The following PRUNE2 variants were observed in gnomAD, a reference collection of about 807,000 sequenced individuals.
PRUNE2 encodes the protein protein prune homolog 2.
Under a neutral mutation model 252.0 loss-of-function variants are expected in PRUNE2, and 164 were observed. That is an observed-to-expected ratio of 0.65 (90% CI 0.57 to 0.74). The LOEUF is 0.74. Among genes scored for constraint, PRUNE2 ranks in the 30% least tolerant of loss-of-function variants. The pLI is 0.00. For synonymous variants in PRUNE2, 1,292 were observed against 1,350.2 expected (o/e 0.96, Z 0.94); for missense variants, 3,495 against 3,711.0 (o/e 0.94, Z 1.51).
rs559769822 is a variant in PRUNE2, at chr9:76,615,903, G to A, written c.9237-1303C>T. Among the ~76,000 whole-genome samples, 22 of 151,770 alleles carry A rather than the reference G, an allele frequency of 1.4e-4. No individual in the cohort carries two copies. The East Asian group carries it at 4.1e-3, about 28-fold the overall frequency. On this transcript the variant is annotated intron_variant, in intron 18 of 18. Transcript: ENST00000376718. ...TCCTGCCTCAGCCTCCCGAGTAGCT[G>A]GGATTACAGGCAGACGCCACCATGC...
At chr9:76,732,328 A>T (rs961418911) in intron 6 of PRUNE2, among the ~76,000 whole-genome samples, 13 of 152,212 alleles carry the variant, frequency 8.5e-5, no homozygotes, top group Non-Finnish European at 1.9e-4. Context: ...AATAAAAATA[A>T]AAGAAGAAAA....
chr9:76,729,117 T>C (rs112278363), intron 6 of PRUNE2, among the ~76,000 whole-genome samples: 2,901 of 152,274 alleles, frequency 0.019, 80 homozygotes, highest in African/African-American at 0.065. Context: ...GAATTTCTGA[T>C]TAAAAGAACT....
At chr9:76,732,679 T>C (rs1391513976) in intron 6 of PRUNE2, among the ~76,000 whole-genome samples, 1 of 152,200 alleles carries the variant, frequency 6.6e-6, no homozygotes, top group African/African-American at 2.4e-5. Context: ...ATCACATTAG[T>C]AAGACTCAAA....
chr9:76,877,414 AC>A (rs1264138597), intron 1 of PRUNE2, among the ~76,000 whole-genome samples: 1 of 151,824 alleles, frequency 6.6e-6, no homozygotes, highest in Non-Finnish European at 1.5e-5. Flanking sequence ...GCTTGCTTGA[AC>A]CCAGGAGGCG....
chr9:76,832,750 T>C (rs930560220), intron 4 of PRUNE2, among the ~76,000 whole-genome samples: 2 of 151,936 alleles, frequency 1.3e-5, no homozygotes, highest in Non-Finnish European at 2.9e-5. Context: ...AAACAAAACT[T>C]GGATTTCTGG....
intron 11 of PRUNE2, among the ~76,000 whole-genome samples, chr9:76,646,474 G>A (rs1844896814): frequency 6.6e-6 from 1 of 152,172 alleles, no homozygotes; most frequent in Non-Finnish European, 1.5e-5. Flanking sequence ...GGCTCACTCT[G>A]GCTTCCACTG....
In PRUNE2 at chr9:76,655,476, T is replaced by C. The variant is rs770846325; in HGVS notation, c.8303A>G (p.Asp2768Gly). The C allele has an allele frequency of 6.2e-7, 1 of 1,612,910 alleles. No homozygotes were observed. ...CAGCACGCCCTCTTCAAAGGGGATG[T>C]CCATTCCTACATCCTCTGACAGTAG... The part of the protein sequence containing the change: ...NGLLSEDVGM[D>G]IPFEEGVLSP... The change falls in exon 10 of 19, where the codon GAC becomes GGC. Residue 2768 changes from aspartate (D) to glycine (G), a missense_variant. Transcript: ENST00000376718.
At position 76,706,053 on chromosome 9, in the gene PRUNE2, G is replaced by GC. The variant is rs2046290621; in HGVS notation, c.6220dup (p.Ala2074GlyfsTer2). ...TGCTTTCAAACTGAAGGGCTTCTTA[G>GC]CATCTATCCACAAGTCAGGCGCGGC... On this transcript the variant is annotated frameshift_variant, in exon 8 of 19. Transcript: ENST00000376718. LOFTEE classifies it high-confidence loss of function. 1 of 1,613,900 alleles carries GC rather than the reference G, an allele frequency of 6.2e-7. No individual in the cohort carries two copies. The highest frequency in any genetic ancestry group is 1.3e-5 in the African/African-American group (1 of 74,932).
chr9:76,800,809 G>A (rs970628708), intron 6 of PRUNE2, among the ~76,000 whole-genome samples: 3 of 152,084 alleles, frequency 2.0e-5, no homozygotes, highest in African/African-American at 7.2e-5. Flanking sequence ...GTGTGCATAC[G>A]CTGTCATAGA....
At chr9:76,615,359 G>T in intron 18 of PRUNE2, 2 of 386,758 alleles carry the variant, frequency 5.2e-6, no homozygotes, top group Non-Finnish European at 7.1e-6. Flanking sequence ...TGTGGATTTT[G>T]CTTATCTCTG....
rs564015086 is a variant in PRUNE2, at chr9:76,670,391, G to A, written c.8277-14889C>T. ...CGAGATTATATCCCGCACCTGGCTC[G>A]GAGGGTCCTACACCCACGGAGTCTC... On this transcript the variant is annotated intron_variant, in intron 9 of 18. Transcript: ENST00000376718. 7.8e-4 allele frequency among the ~76,000 whole-genome samples: 119 copies of A among 152,028 alleles called. 2 individuals carry two copies. The South Asian group carries it at 0.023, about 29-fold the overall frequency.
intron 9 of PRUNE2, among the ~76,000 whole-genome samples, chr9:76,678,053 T>C (rs1280289238): frequency 1.3e-5 from 2 of 151,814 alleles, no homozygotes; most frequent in Non-Finnish European, 2.9e-5. Flanking sequence ...CCAATTAAGT[T>C]TGTGAAGCAT....
chr9:76,630,555 C>T (rs943744348), intron 15 of PRUNE2, among the ~76,000 whole-genome samples: 5 of 152,290 alleles, frequency 3.3e-5, no homozygotes, highest in Middle Eastern at 3.4e-3. Flanking sequence ...GACAGAGTCT[C>T]GCTCTGTCGC....
intron 11 of PRUNE2, among the ~76,000 whole-genome samples, chr9:76,645,778 C>G (rs941795544): frequency 5.3e-5 from 8 of 152,152 alleles, no homozygotes; most frequent in African/African-American, 1.9e-4. Flanking sequence ...TTATTTATAA[C>G]CTTCACAATA....
At chr9:76,672,740 T>G (rs1420930606) in intron 9 of PRUNE2, among the ~76,000 whole-genome samples, 1 of 141,184 alleles carries the variant, frequency 7.1e-6, no homozygotes, top group African/African-American at 2.7e-5. Flanking sequence ...GAACTCAGGA[T>G]TAAGAATCTC....
intron 9 of PRUNE2, among the ~76,000 whole-genome samples, chr9:76,677,940 A>G (rs576144012): frequency 2.0e-5 from 3 of 152,336 alleles, no homozygotes; most frequent in African/African-American, 7.2e-5. Context: ...CCTGGGGCGA[A>G]CGGGACACAG....
intron 14 of PRUNE2, among the ~76,000 whole-genome samples, chr9:76,636,973 A>ATGTGTG (rs71354667): frequency 1.2e-3 from 178 of 145,496 alleles, no homozygotes; most frequent in African/African-American, 3.7e-3. Context: ...AACAACAAAA[A>ATGTGTG]TGTGTGTGTG....
chr9:76,642,458 C>A (rs556315941), intron 12 of PRUNE2, among the ~76,000 whole-genome samples: 8 of 152,338 alleles, frequency 5.3e-5, no homozygotes, highest in African/African-American at 1.4e-4. Flanking sequence ...GGACACCTGG[C>A]AGGGCCTGGC....
rs546245154 is a variant in PRUNE2 at position 76,737,116 on chromosome 9, G to A, written c.757-23395C>T. The A allele has an allele frequency of 9.8e-5, 15 of 152,302 alleles. No homozygotes were observed. In the South Asian group the frequency reaches 3.1e-3, roughly 32 times the overall value. The allele number at this position is 152,302 out of a possible 1,614,324, so 9.4% of individuals were successfully genotyped here. A position where few individuals can be genotyped will look rare whatever the true frequency, so the allele number is the denominator to read the frequency against. ...GTGTAGCTGTATTCCTTCTTGATGA[G>A]ATAAAACTAAGAAATGTGCTCAATT... On this transcript the variant is annotated intron_variant, in intron 6 of 18. Coordinates refer to ENST00000376718, the MANE Select transcript of PRUNE2 (RefSeq NM_015225.3).
Sources: allele counts gnomAD v4.1 joint callset (sites outside exome capture counted in the v4.1 genomes callset), GRCh38; gene constraint gnomAD v4.1.1; transcripts MANE v1.5; gene names NCBI Gene and HGNC (gene_info 2026-07-23, HGNC 2026-07-21).